The following ZNF544 variants were observed in gnomAD, a reference collection of about 807,000 sequenced individuals.
The protein encoded by ZNF544 is zinc finger protein 544.
Under a neutral mutation model 13.5 loss-of-function variants are expected in ZNF544, and 10 were observed. That is an observed-to-expected ratio of 0.74 (90% CI 0.46 to 1.25). The LOEUF (loss-of-function observed/expected upper bound fraction) is 1.25, where lower values mean the gene tolerates loss of function less well. Among genes scored for constraint, ZNF544 ranks in the 50% most tolerant of loss-of-function variants. ZNF544 has a pLI of 0.00. For missense variants in ZNF544, 896 were observed against 845.6 expected (o/e 1.06, Z -0.74); for synonymous variants, 323 against 300.5 (o/e 1.07, Z -0.77).
chr19:58,245,945 G>A (rs560448970), intron 4 of ZNF544: 1 of 341,428 alleles, frequency 2.9e-6, no homozygotes, highest in African/African-American at 2.1e-5. Flanking sequence ...GCTATAATAA[G>A]ATACCTTAGA....
In ZNF544 at chr19:58,261,252, C is replaced by A. The variant is rs565406296; in HGVS notation, c.646C>A (p.His216Asn). 6.2e-7 allele frequency: 1 copy of A among 1,614,156 alleles called. No individual in the cohort carries two copies. The highest frequency in any genetic ancestry group is 2.2e-5 in the East Asian group (1 of 44,886). The stretch of plus-strand genomic sequence containing the variant: ...AGCAGATGGGAAGCACTGTGAGAGT[C>A]ATCAGTGTGCTAGAGCTTTCTGTCA... The part of the protein sequence containing the change: ...NGADGKHCES[H>N]QCARAFCQSI... The change falls in exon 7 of 7, where the codon CAT becomes AAT. Residue 216 changes from histidine to asparagine, a missense_variant. Transcript: ENST00000687789.
chr19:58,269,113 C>A (rs568259289), intron 5 of ZNF544, among the ~76,000 whole-genome samples: 15 of 152,172 alleles, frequency 9.9e-5, no homozygotes, highest in African/African-American at 3.4e-4. Context: ...ACCCATGCAT[C>A]GTGGAAAACT....
rs1600304401 is a variant in ZNF544 at position 58,249,188 on chromosome 19, C to A, written c.244+2394C>A. Among the ~76,000 whole-genome samples, 5 of 152,306 alleles carry A rather than the reference C, an allele frequency of 3.3e-5. No individual in the cohort carries two copies. The South Asian group carries it at 1.0e-3, about 32-fold the overall frequency. On this transcript the variant is annotated intron_variant, in intron 6 of 6. Transcript: ENST00000687789. ...GCATTAATCACCCTTAGGTTTCTTG[C>A]CTCCATACCCTGTTCTCATACCTCA...
downstream of ZNF544, chr19:58,266,737 G>A (rs1331114143): frequency 1.9e-5 from 2 of 103,480 alleles, no homozygotes; most frequent in Admixed American, 2.0e-4. Context: ...TTACCTATCT[G>A]GCTGTGGGTA....
chr19:58,233,331 T>C (rs530222407), intron 3 of ZNF544, among the ~76,000 whole-genome samples: 1 of 152,220 alleles, frequency 6.6e-6, no homozygotes, highest in African/African-American at 2.4e-5. Flanking sequence ...CAGGCATGAT[T>C]ACAGGATTAA....
downstream of ZNF544, among the ~76,000 whole-genome samples, chr19:58,265,556 A>G (rs1057284585): frequency 3.3e-5 from 5 of 151,792 alleles, no homozygotes; most frequent in Non-Finnish European, 5.9e-5. Flanking sequence ...CGGCCTCCCA[A>G]AGTGCTGGGA....
In ZNF544 at chr19:58,248,268, T is replaced by C. The variant is rs577811513; in HGVS notation, c.244+1474T>C. On this transcript the variant is annotated intron_variant, in intron 6 of 6. Coordinates refer to ENST00000687789, the MANE Select transcript of ZNF544 (RefSeq NM_014480.4). ...GTTTATGATAGGGTTCATGCTTTTT[T>C]TTTTCTTTTTTTTTTTTTTTTTTTG... Among the ~76,000 whole-genome samples the C allele has an allele frequency of 8.8e-4, 126 of 143,692 alleles. 1 individual carries two copies. The highest frequency in any genetic ancestry group is 3.2e-3 in the African/African-American group (121 of 37,738). 94.3% of individuals were successfully genotyped at this position (143,692 alleles called of 152,430 possible). A position where few individuals can be genotyped will look rare whatever the true frequency, so the allele number is the denominator to read the frequency against.
chr19:58,274,478 T>G (rs1184914831), intron 5 of ZNF544, among the ~76,000 whole-genome samples: 2 of 152,254 alleles, frequency 1.3e-5, no homozygotes, highest in African/African-American at 4.8e-5. Context: ...CACCAAAAAC[T>G]AAGGAAAGGG....
intron 4 of ZNF544, among the ~76,000 whole-genome samples, chr19:58,244,834 C>G (rs574796581): frequency 6.6e-6 from 1 of 152,212 alleles, no homozygotes; most frequent in African/African-American, 2.4e-5. Context: ...GCCTCGGCCT[C>G]CCAAAGTGCT....
chr19:58,254,684 G>A (rs141787749), intron 6 of ZNF544, among the ~76,000 whole-genome samples: 267 of 152,260 alleles, frequency 1.8e-3, no homozygotes, highest in Non-Finnish European at 3.2e-3. Flanking sequence ...GTTCCTGGGC[G>A]TAATCCCAGA....
chr19:58,261,366 G>A lies in ZNF544; in HGVS notation c.760G>A (p.Gly254Ser), dbSNP rs553238872. ...YIVSGDSLNYGSSLCFHGRTF... is the reference protein window; with the variant it reads ...YIVSGDSLNYSSSLCFHGRTF... Reference sequence around the variant, plus strand: ...TGTCAGTGGTGACTCTCTCAACTATGGTTCCTCCCTTTGTTTTCATGGTAG... The same window carrying A: ...TGTCAGTGGTGACTCTCTCAACTATAGTTCCTCCCTTTGTTTTCATGGTAG... Residue 254 changes from glycine to serine, a missense_variant, in exon 7 of 7, where the codon GGT becomes AGT. Gly to Ser is a moderately conservative substitution (Grantham distance 56). Transcript: ENST00000687789. 1.5e-5 allele frequency: 25 copies of A among 1,614,104 alleles called. No homozygotes were observed. The South Asian group carries it at 2.3e-4, about 15-fold the overall frequency.
chr19:58,246,540 GGTGCA>G, intron 5 of ZNF544, 113 bp downstream of exon 5: 1 of 1,526,134 alleles, frequency 6.6e-7, no homozygotes, highest in Non-Finnish European at 8.9e-7. Context: ...GTCCCTTTCA[GGTGCA>G]GTTCCCAGGG....
At position 58,261,580 on chromosome 19, in the gene ZNF544, C is replaced by T; in HGVS notation, c.974C>T (p.Pro325Leu). ...GAAAGAAGTGGCCCTGGAGAGACCC[C>T]CTTCAGATGTGAGGAACGCTGTGCT... is the stretch of plus-strand genomic sequence containing the variant. ...QTERSGPGETPFRCEERCAAF... is the reference protein window; with the variant it reads ...QTERSGPGETLFRCEERCAAF... Residue 325 changes from proline (P) to leucine (L), a missense_variant, in exon 7 of 7, where the codon CCC (proline) becomes CTC (leucine). Coordinates refer to ENST00000687789, the MANE Select transcript of ZNF544 (RefSeq NM_014480.4). The T allele has an allele frequency of 6.2e-7, 1 of 1,614,172 alleles. No homozygotes were observed. The highest frequency in any genetic ancestry group is 8.5e-7 in the Non-Finnish European group (1 of 1,180,024).
chr19:58,248,810 A>G (rs941381092), intron 6 of ZNF544, among the ~76,000 whole-genome samples: 6 of 152,298 alleles, frequency 3.9e-5, no homozygotes, highest in Admixed American at 3.9e-4. Context: ...ACTCCACACA[A>G]TGGGAGTGGT....
At chr19:58,248,843 A>G (rs1426100239) in intron 6 of ZNF544, among the ~76,000 whole-genome samples, 1 of 152,252 alleles carries the variant, frequency 6.6e-6, no homozygotes, top group African/African-American at 2.4e-5. Flanking sequence ...GCTCAAGAGC[A>G]CTGGTTACAG....
chr19:58,241,180 T>TATATATA (rs1491408473), intron 3 of ZNF544, among the ~76,000 whole-genome samples: 2,032 of 66,660 alleles, frequency 0.03, 72 homozygotes, highest in East Asian at 0.05. Flanking sequence ...TATATATATA[T>TATATATA]TTTTTTTTTT....
rs2049347233 is a variant in ZNF544, at chr19:58,263,178, G to A, written c.*424G>A. ...AGAAACTCTATGAATAACCAAGATGGAGCCGGGTGCAGTTGCCAACACTTG... is the reference window on the plus strand; with the variant it reads ...AGAAACTCTATGAATAACCAAGATGAAGCCGGGTGCAGTTGCCAACACTTG... On this transcript the variant is annotated 3_prime_UTR_variant, in exon 7 of 7. Coordinates refer to ENST00000687789, the MANE Select transcript of ZNF544 (RefSeq NM_014480.4). 1 of 996,662 alleles carries A rather than the reference G, an allele frequency of 1.0e-6. No individual in the cohort carries two copies. Among genetic ancestry groups the A allele is most frequent in the Non-Finnish European group, 1.2e-6 (1 of 836,128 alleles). 61.7% of individuals were successfully genotyped at this position (996,662 alleles called of 1,614,324 possible).
intron 5 of ZNF544, among the ~76,000 whole-genome samples, chr19:58,276,101 TG>T (rs1384550231): frequency 6.6e-6 from 1 of 152,078 alleles, no homozygotes; most frequent in Non-Finnish European, 1.5e-5. Flanking sequence ...CACTTGAGCC[TG>T]GGAAGTGGAG....
Position 58,261,544 on chromosome 19 carries a change from T to TTGTA in ZNF544, c.939_942dup (p.Gln315CysfsTer16). On this transcript the variant is annotated frameshift_variant, in exon 7 of 7. Transcript: ENST00000687789. LOFTEE classifies it low-confidence loss of function (END_TRUNC). ...GAAACCTGTTCTGAGAGTCTGTGCC[T>TTGTA]TGTACAAACAGAAAGAAGTGGCCCT... 1 of 1,614,188 alleles carries TTGTA rather than the reference T, an allele frequency of 6.2e-7. No individual in the cohort carries two copies. The highest frequency in any genetic ancestry group is 8.5e-7 in the Non-Finnish European group (1 of 1,180,048).
Sources: gnomAD v4.1 joint callset for allele counts (sites outside exome capture counted in the v4.1 genomes callset) on GRCh38, gnomAD v4.1.1 for gene constraint, MANE v1.5 for transcripts, NCBI Gene and HGNC (gene_info 2026-07-23, HGNC 2026-07-21) for gene names.